Variants in PHKB observed in about 807,000 individuals in gnomAD.
PHKB encodes phosphorylase b kinase regulatory subunit beta.
A neutral mutation model predicts 152.1 loss-of-function variants in PHKB; 122 were observed. The ratio of observed to expected loss-of-function variants is 0.80; its 90% CI spans 0.69 to 0.93. The LOEUF is 0.93. PHKB is among the 40% of genes least tolerant of loss of function. The probability of loss-of-function intolerance (pLI) is 0.00; values close to 1 mark genes in which losing one functional copy is unlikely to be tolerated. For missense variants in PHKB, 1,304 were observed against 1,328.4 expected, an observed-to-expected ratio of 0.98 and a Z score of 0.29; for synonymous variants, 436 against 464.9, an observed-to-expected ratio of 0.94 and a Z score of 0.80.
At chr16:47,504,807 C>A (rs1336556772) in intron 4 of PHKB, among the ~76,000 whole-genome samples, 1 of 152,262 alleles carries the variant, frequency 6.6e-6, no homozygotes, top group African/African-American at 2.4e-5. Context: ...AAGGCCAGCG[C>A]ACTCCCTGGC....
At chr16:47,551,311 G>A (rs1049625013) in intron 7 of PHKB, among the ~76,000 whole-genome samples, 18 of 152,076 alleles carry the variant, frequency 1.2e-4, no homozygotes, top group African/African-American at 4.1e-4. Context: ...AAGTTAGGGC[G>A]TCGATTTTAG....
intron 3 of PHKB, among the ~76,000 whole-genome samples, chr16:47,501,243 C>G (rs1038782312): frequency 6.6e-6 from 1 of 152,140 alleles, no homozygotes; most frequent in Admixed American, 6.5e-5. Context: ...TACATATGAA[C>G]AAAGCTGAAT....
Position 47,499,821 on chromosome 16 carries a change from G to T in PHKB, c.232G>T (p.Gly78Cys). The change falls in exon 3 of 31, where the codon GGT (glycine) becomes TGT (cysteine). Residue 78 changes from glycine to cysteine, a missense_variant. Coordinates refer to ENST00000323584, the MANE Select transcript of PHKB (RefSeq NM_000293.3). Reference protein sequence around the residue: ...TGLFPTKTCGGDQKAKIQDSL... With the variant: ...TGLFPTKTCGCDQKAKIQDSL... Reference sequence around the variant, plus strand: ...TCTCTTTCCCACTAAAACATGCGGTGGTGACCAGAAGGCCAAGATCCAGGA... The same window carrying T: ...TCTCTTTCCCACTAAAACATGCGGTTGTGACCAGAAGGCCAAGATCCAGGA... 6 of 1,614,182 alleles carry T rather than the reference G, an allele frequency of 3.7e-6. No individual in the cohort carries two copies. The highest frequency in any genetic ancestry group is 5.1e-6 in the Non-Finnish European group (6 of 1,180,018).
At chr16:47,698,815 A>G (rs555165809) in intron 30 of PHKB, among the ~76,000 whole-genome samples, 16 of 152,208 alleles carry the variant, frequency 1.1e-4, no homozygotes, top group Non-Finnish European at 2.4e-4. Context: ...ATCTAGAAAG[A>G]GATAAATTTC....
intron 6 of PHKB, among the ~76,000 whole-genome samples, chr16:47,516,710 C>A (rs886712659): frequency 1.6e-4 from 24 of 152,040 alleles, no homozygotes; most frequent in African/African-American, 5.8e-4. Context: ...TTCTCATACA[C>A]ACTTATAGTG....
At chr16:47,624,371 A>G (rs1972671873) in intron 14 of PHKB, among the ~76,000 whole-genome samples, 1 of 152,218 alleles carries the variant, frequency 6.6e-6, no homozygotes, top group Non-Finnish European at 1.5e-5. Context: ...AGAATGAATA[A>G]CCCTATGTAG....
chr16:47,598,584 C>A, intron 13 of PHKB: 1 of 888,548 alleles, frequency 1.1e-6, no homozygotes. Flanking sequence ...GTAATATGAA[C>A]ACGCCCTCGA....
intron 7 of PHKB, among the ~76,000 whole-genome samples, chr16:47,579,109 G>A (rs1322145101): frequency 6.6e-6 from 1 of 152,008 alleles, no homozygotes. Context: ...GTCTTTTTGT[G>A]TTTGTTTTAT....
chr16:47,668,418 C>G (rs144675245), intron 25 of PHKB, among the ~76,000 whole-genome samples: 139 of 152,208 alleles, frequency 9.1e-4, no homozygotes, highest in East Asian at 8.9e-3. Context: ...ATTCTTTTTT[C>G]CTGCCTTTTA....
At chr16:47,693,274 T>C in intron 27 of PHKB, 104 bp from the exon 28 acceptor site, 1 of 1,189,452 alleles carries the variant, frequency 8.4e-7, no homozygotes, top group Non-Finnish European at 1.2e-6. Context: ...GGGCTTTGGC[T>C]TTTATTTCTT....
intron 1 of PHKB, among the ~76,000 whole-genome samples, chr16:47,469,078 A>G (rs1338170590): frequency 2.0e-5 from 3 of 152,018 alleles, no homozygotes; most frequent in East Asian, 3.9e-4. Context: ...TTTCCTGTTC[A>G]TCTTCATCCA....
intron 7 of PHKB, among the ~76,000 whole-genome samples, chr16:47,579,875 A>T (rs1370495902): frequency 1.3e-5 from 2 of 152,200 alleles, no homozygotes; most frequent in East Asian, 1.9e-4. Flanking sequence ...ATGATATGCA[A>T]GATCTTTCTT....
chr16:47,680,962 A>C (rs1361467709), intron 26 of PHKB, among the ~76,000 whole-genome samples: 1 of 152,070 alleles, frequency 6.6e-6, no homozygotes, highest in African/African-American at 2.4e-5. Flanking sequence ...AGATTCTGGT[A>C]TGTTGTGTCT....
chr16:47,519,717 C>A (rs1336286693), intron 6 of PHKB, among the ~76,000 whole-genome samples: 1 of 152,028 alleles, frequency 6.6e-6, no homozygotes, highest in East Asian at 1.9e-4. Flanking sequence ...ACAAGTCATC[C>A]CTATTCAGTG....
In PHKB at chr16:47,477,363, A is replaced by G. The variant is rs573652074; in HGVS notation, c.76+15937A>G. Among the ~76,000 whole-genome samples the G allele has an allele frequency of 3.9e-5, 6 of 152,308 alleles. No homozygotes were observed. In the East Asian group the frequency reaches 9.6e-4, roughly 24 times the overall value. ...TGGTGCTGGGGACTCAATGTTGAAT[A>G]ATAATACAAGTTGAATGAATTAATT... On this transcript the variant is annotated intron_variant, in intron 1 of 30. Coordinates refer to ENST00000323584, the MANE Select transcript of PHKB (RefSeq NM_000293.3).
intron 14 of PHKB, among the ~76,000 whole-genome samples, chr16:47,639,465 CA>C (rs1972978991): frequency 6.6e-6 from 1 of 152,140 alleles, no homozygotes; most frequent in African/African-American, 2.4e-5. Context: ...GTTGTAAGTC[CA>C]AGCTCGTTGT....
At chr16:47,551,731 C>A (rs1402594736) in intron 7 of PHKB, among the ~76,000 whole-genome samples, 1 of 152,132 alleles carries the variant, frequency 6.6e-6, no homozygotes, top group Non-Finnish European at 1.5e-5. Flanking sequence ...CTGTTAGGTC[C>A]ACTTGGTCCA....
intron 13 of PHKB, among the ~76,000 whole-genome samples, chr16:47,599,449 A>G (rs1389612142): frequency 1.3e-5 from 2 of 152,192 alleles, no homozygotes; most frequent in Non-Finnish European, 2.9e-5. Flanking sequence ...CACCCTACAT[A>G]AGCAAATTGA....
chr16:47,511,029 T>C (rs1241371585), intron 4 of PHKB, among the ~76,000 whole-genome samples: 1 of 152,206 alleles, frequency 6.6e-6, no homozygotes, highest in East Asian at 1.9e-4. Context: ...CCCAGAGTTT[T>C]TCTGTTGGAT....
Sources: allele counts gnomAD v4.1 joint callset (sites outside exome capture counted in the v4.1 genomes callset), GRCh38; gene constraint gnomAD v4.1.1; transcripts MANE v1.5; gene names NCBI Gene and HGNC (gene_info 2026-07-23, HGNC 2026-07-21).